Variants in PDE4D observed in about 807,000 individuals in gnomAD.
PDE4D encodes the protein phosphodiesterase 4D.
In PDE4D, 24 loss-of-function variants were observed where a neutral mutation model predicts 87.4. The ratio of observed to expected loss-of-function variants is 0.27; its 90% CI spans 0.20 to 0.39. The LOEUF is 0.39. Ranked by LOEUF, PDE4D falls within the 10% of genes least tolerant of loss-of-function variation. PDE4D has a pLI of 1.00. For synonymous variants in PDE4D, 384 were observed against 383.2 expected (o/e 1.00, Z -0.02); for missense variants, 714 against 1,041.0 (o/e 0.69, Z 4.32).
intron 1 of PDE4D, among the ~76,000 whole-genome samples, chr5:59,514,254 C>T (rs954953337): frequency 1.3e-5 from 2 of 151,810 alleles, no homozygotes; most frequent in African/African-American, 2.4e-5. Flanking sequence ...TACAGGCGCC[C>T]GCCACCACGC....
chr5:59,317,748 A>G (rs767572212), intron 1 of PDE4D, among the ~76,000 whole-genome samples: 4 of 152,140 alleles, frequency 2.6e-5, no homozygotes, highest in Non-Finnish European at 2.9e-5. Flanking sequence ...GGAAATGAAA[A>G]GCTCTAAAGC....
At chr5:59,150,408 T>A (rs1273148607) in intron 5 of PDE4D, among the ~76,000 whole-genome samples, 1 of 152,188 alleles carries the variant, frequency 6.6e-6, no homozygotes, top group East Asian at 1.9e-4. Context: ...ACTTCTGGGC[T>A]TCCATTCTTA....
intron 1 of PDE4D, among the ~76,000 whole-genome samples, chr5:60,271,336 T>A (rs930985003): frequency 1.3e-5 from 2 of 152,180 alleles, no homozygotes; most frequent in African/African-American, 4.8e-5. Context: ...TTCTTAAAAG[T>A]CCAATTTGGT....
rs1173815151 is a variant in PDE4D, at chr5:59,396,438, A to C, written c.456-180470T>G. ...GTGGGGGCCAATATTCAACATTCTT[A>C]AAGAAAAGAATTCTCAACCCAGAAT... On this transcript the variant is annotated intron_variant, in intron 1 of 14. Transcript: ENST00000340635. 9.2e-5 allele frequency among the ~76,000 whole-genome samples: 9 copies of C among 98,192 alleles called. 2 individuals carry two copies. Among genetic ancestry groups the C allele is most frequent in the Non-Finnish European group, 1.6e-4 (8 of 49,976 alleles). The allele number at this position is 98,192 out of a possible 152,430, so 64.4% of individuals were successfully genotyped here. A position where few individuals can be genotyped will look rare whatever the true frequency, so the allele number is the denominator to read the frequency against.
At chr5:59,711,876 G>A (rs1170744393) in intron 1 of PDE4D, among the ~76,000 whole-genome samples, 1 of 151,970 alleles carries the variant, frequency 6.6e-6, no homozygotes, top group Non-Finnish European at 1.5e-5. Context: ...ATTTTCTTTG[G>A]TAAGGAAAGG....
At chr5:59,860,017 T>TTA (rs1461906149) in intron 1 of PDE4D, among the ~76,000 whole-genome samples, 6 of 152,164 alleles carry the variant, frequency 3.9e-5, no homozygotes, top group Non-Finnish European at 8.8e-5. Flanking sequence ...GTTTATTGAG[T>TTA]TATACATTGC....
chr5:59,254,860 C>G (rs1161170597), intron 1 of PDE4D, among the ~76,000 whole-genome samples: 1 of 152,062 alleles, frequency 6.6e-6, no homozygotes, highest in East Asian at 1.9e-4. Flanking sequence ...TATGTACAGT[C>G]TTAGCATATT....
rs575668717 is a variant in PDE4D at position 59,143,855 on chromosome 5, T to C, written c.808+36740A>G. On this transcript the variant is annotated intron_variant, in intron 5 of 14. Transcript: ENST00000340635. Reference sequence around the variant, plus strand: ...CTAGAACTTGGAACCAATAATAAATTGGTGGGCTTTGAACTTGGAAAAGCT... The same window carrying C: ...CTAGAACTTGGAACCAATAATAAATCGGTGGGCTTTGAACTTGGAAAAGCT... Among the ~76,000 whole-genome samples the C allele has an allele frequency of 6.6e-5, 10 of 152,318 alleles. 1 individual carries two copies. The East Asian group carries it at 1.9e-3, about 29-fold the overall frequency.
intron 1 of PDE4D, among the ~76,000 whole-genome samples, chr5:59,349,482 G>A (rs1780158805): frequency 2.0e-5 from 3 of 152,102 alleles, no homozygotes; most frequent in African/African-American, 7.2e-5. Context: ...GCTCAGTCAA[G>A]GTACTGTCTC....
intron 1 of PDE4D, among the ~76,000 whole-genome samples, chr5:59,671,793 G>A (rs1373972585): frequency 5.3e-5 from 8 of 150,988 alleles, no homozygotes; most frequent in South Asian, 2.1e-4. Flanking sequence ...GGTGACAAAG[G>A]GAGACCCTGT....
At chr5:60,375,909 C>T (rs1048717746) in intron 1 of PDE4D, among the ~76,000 whole-genome samples, 12 of 152,064 alleles carry the variant, frequency 7.9e-5, no homozygotes, top group Admixed American at 2.0e-4. Context: ...TGTGGTGGTA[C>T]GCGCCTGTAG....
At chr5:60,277,657 T>C (rs577462155) in intron 1 of PDE4D, among the ~76,000 whole-genome samples, 1 of 152,270 alleles carries the variant, frequency 6.6e-6, no homozygotes, top group African/African-American at 2.4e-5. Flanking sequence ...ATCTGTTTTT[T>C]AATTGGTGCA....
At chr5:59,129,150 G>C (rs1775921320) in intron 5 of PDE4D, among the ~76,000 whole-genome samples, 1 of 152,198 alleles carries the variant, frequency 6.6e-6, no homozygotes, top group Admixed American at 6.5e-5. Flanking sequence ...GGAATGTTTA[G>C]ATGAATTATA....
At position 60,009,357 on chromosome 5, in the gene PDE4D, G is replaced by T. The variant is rs1345340488; in HGVS notation, c.43-20640C>A. Among the ~76,000 whole-genome samples the T allele has an allele frequency of 6.6e-5, 10 of 151,942 alleles. No individual in the cohort carries two copies. The East Asian group carries it at 1.9e-3, about 29-fold the overall frequency. ...AGATTTTTTTTTAAGATCCATTGAA[G>T]AACTTTTCCTAAGATTAATCAATTG... On this transcript the variant is annotated intron_variant, in intron 2 of 16. Transcript: ENST00000502484.
chr5:60,464,874 G>A lies in PDE4D; in HGVS notation c.-90+23068C>T, dbSNP rs548004139. 2.2e-4 allele frequency among the ~76,000 whole-genome samples: 34 copies of A among 152,284 alleles called. No homozygotes were observed. The East Asian group carries it at 5.6e-3, about 25-fold the overall frequency. On this transcript the variant is annotated intron_variant, in intron 1 of 16. Coordinates refer to the PDE4D transcript ENST00000502484. The stretch of plus-strand genomic sequence containing the variant: ...CCCAGTACTTTCGGAGGTCAAGGTG[G>A]GAGGATGGTGGGAAGCCAGGATTTC...
rs61116888 is a variant in PDE4D, at chr5:59,609,377, T to TACACAC, written c.455+283785_455+283790dup. ...CGTATATCTCTCTAATTTGTATATG[T>TACACAC]ACACACACACACACACACACACATA... On this transcript the variant is annotated intron_variant, in intron 1 of 14. Transcript: ENST00000340635. Among the ~76,000 whole-genome samples the TACACAC allele has an allele frequency of 4.0e-3, 593 of 147,686 alleles. 5 individuals are homozygous for TACACAC. The highest frequency in any genetic ancestry group is 0.013 in the African/African-American group (498 of 39,826).
At chr5:59,725,827 T>TG (rs1376687738) in intron 1 of PDE4D, among the ~76,000 whole-genome samples, 2 of 152,006 alleles carry the variant, frequency 1.3e-5, no homozygotes, top group Non-Finnish European at 2.9e-5. Flanking sequence ...AGTTAGTTGT[T>TG]TTTTTTCATA....
chr5:60,227,953 C>T (rs1396831597), intron 1 of PDE4D, among the ~76,000 whole-genome samples: 1 of 151,948 alleles, frequency 6.6e-6, no homozygotes, highest in Admixed American at 6.6e-5. Context: ...ATCACATTGT[C>T]TACATTCATT....
chr5:60,111,914 C>T (rs554750660), intron 2 of PDE4D, among the ~76,000 whole-genome samples: 1 of 151,990 alleles, frequency 6.6e-6, no homozygotes, highest in African/African-American at 2.4e-5. Flanking sequence ...TTTGTCTTTG[C>T]CAAACATCTA....
Sources: gnomAD v4.1 joint callset for allele counts (sites outside exome capture counted in the v4.1 genomes callset) on GRCh38, gnomAD v4.1.1 for gene constraint, MANE v1.5 for transcripts, NCBI Gene and HGNC (gene_info 2026-07-23, HGNC 2026-07-21) for gene names.